The following PPP1CB variants were observed in gnomAD, a reference collection of about 807,000 sequenced individuals.
PPP1CB encodes the protein protein phosphatase 1 catalytic subunit beta.
PPP1CB carries 2 observed loss-of-function variants against 43.7 expected under a neutral mutation model. The ratio of observed to expected loss-of-function variants is 0.05; its 90% CI spans 0.02 to 0.14. The LOEUF (loss-of-function observed/expected upper bound fraction) is 0.14, where lower values mean the gene tolerates loss of function less well. PPP1CB is among the 10% of genes least tolerant of loss of function. The pLI is 1.00. For synonymous variants in PPP1CB, 136 were observed against 135.6 expected (o/e 1.00, Z -0.02); for missense variants, 84 against 398.0 (o/e 0.21, Z 6.71).
chr2:28,781,370 C>T (rs1309744149), intron 3 of PPP1CB, among the ~76,000 whole-genome samples: 1 of 152,130 alleles, frequency 6.6e-6, no homozygotes, highest in Non-Finnish European at 1.5e-5. Flanking sequence ...AAAATTTACT[C>T]TTAGCATTTT....
chr2:28,788,588 G>A (rs1453539331), intron 5 of PPP1CB, 70 bp from the exon 6 acceptor site: 13 of 1,488,346 alleles, frequency 8.7e-6, no homozygotes, highest in Non-Finnish European at 1.2e-5. Flanking sequence ...ACTGAAATTT[G>A]ATGTAGATGT....
At chr2:28,788,886 C>G (rs1278954937) in intron 6 of PPP1CB, 77 bp downstream of exon 6, 3 of 1,363,728 alleles carry the variant, frequency 2.2e-6, no homozygotes, top group South Asian at 1.5e-5. Context: ...CAGACAGATT[C>G]TTGTTCTGTC....
At chr2:28,780,781 C>T (rs954236850) in intron 3 of PPP1CB, among the ~76,000 whole-genome samples, 15 of 152,126 alleles carry the variant, frequency 9.9e-5, no homozygotes, top group South Asian at 2.1e-4. Flanking sequence ...TCAGGAAAAT[C>T]GAGTAACTCT....
chr2:28,772,368 C>T (rs900158696), intron 1 of PPP1CB, among the ~76,000 whole-genome samples: 4 of 152,082 alleles, frequency 2.6e-5, no homozygotes, highest in African/African-American at 4.8e-5. Flanking sequence ...CAACGAATAC[C>T]ACCATATACC....
chr2:28,756,074 C>T (rs767117785), intron 1 of PPP1CB, among the ~76,000 whole-genome samples: 15 of 152,180 alleles, frequency 9.9e-5, no homozygotes, highest in Non-Finnish European at 2.1e-4. Context: ...ATATTCTTTA[C>T]ATAGCTTTAT....
intron 4 of PPP1CB, among the ~76,000 whole-genome samples, chr2:28,783,554 G>A (rs1394240647): frequency 6.6e-6 from 1 of 152,012 alleles, no homozygotes; most frequent in Non-Finnish European, 1.5e-5. Context: ...TCAAGAGATC[G>A]AGACCAGCCT....
At chr2:28,780,290 T>G (rs1184135592) in intron 3 of PPP1CB, among the ~76,000 whole-genome samples, 3 of 152,062 alleles carry the variant, frequency 2.0e-5, no homozygotes, top group African/African-American at 7.2e-5. Flanking sequence ...GGGGTTTCTC[T>G]GTGTTGATCA....
intron 6 of PPP1CB, among the ~76,000 whole-genome samples, chr2:28,791,319 T>C (rs1466201150): frequency 6.6e-6 from 1 of 151,616 alleles, no homozygotes. Flanking sequence ...GGCAAAGTAG[T>C]TTTTTGTTGT....
At chr2:28,775,688 CT>C (rs1253615415) in intron 1 of PPP1CB, among the ~76,000 whole-genome samples, 1 of 152,122 alleles carries the variant, frequency 6.6e-6, no homozygotes, top group African/African-American at 2.4e-5. Context: ...ATTTTCTTTT[CT>C]TAAATGCTCT....
intron 1 of PPP1CB, among the ~76,000 whole-genome samples, chr2:28,768,174 T>C (rs1666824059): frequency 6.6e-6 from 1 of 152,152 alleles, no homozygotes; most frequent in Non-Finnish European, 1.5e-5. Flanking sequence ...GTTTTGATCT[T>C]TGACAAGGGA....
intron 7 of PPP1CB, among the ~76,000 whole-genome samples, chr2:28,798,649 C>T (rs1189426010): frequency 7.0e-6 from 1 of 143,488 alleles, no homozygotes; most frequent in Non-Finnish European, 1.5e-5. Context: ...TATAGAGACA[C>T]ATAGTAGATT....
At chr2:28,755,797 C>T (rs1171781270) in intron 1 of PPP1CB, among the ~76,000 whole-genome samples, 1 of 152,136 alleles carries the variant, frequency 6.6e-6, no homozygotes, top group African/African-American at 2.4e-5. Flanking sequence ...AATAAGAGTG[C>T]CAGCTCTGTT....
chr2:28,794,213 G>GT (rs1156322971), intron 7 of PPP1CB, among the ~76,000 whole-genome samples: 3 of 152,198 alleles, frequency 2.0e-5, no homozygotes, highest in Non-Finnish European at 4.4e-5. Flanking sequence ...GGGAACCTAA[G>GT]TTACGTCAGT....
chr2:28,757,301 T>C (rs762794148), intron 1 of PPP1CB, among the ~76,000 whole-genome samples: 8 of 152,236 alleles, frequency 5.3e-5, no homozygotes, highest in Non-Finnish European at 7.3e-5. Context: ...TTGTTTTCTT[T>C]CGGCTATTGT....
rs1207853506 is a variant in PPP1CB at position 28,784,878 on chromosome 2, C to A, written c.592+900C>A. On this transcript the variant is annotated intron_variant, in intron 5 of 7. Transcript: ENST00000395366. Reference sequence around the variant, plus strand: ...GAGGTTGCAGTGAGCCGAGATCACACCACTGCACTCCAGCCTGGGTGACAG... The same window carrying A: ...GAGGTTGCAGTGAGCCGAGATCACAACACTGCACTCCAGCCTGGGTGACAG... 4.8e-5 allele frequency among the ~76,000 whole-genome samples: 7 copies of A among 145,392 alleles called. No homozygotes were observed. In the Admixed American group the frequency reaches 4.9e-4, roughly 10 times the overall value.
intron 1 of PPP1CB, 64 bp downstream of exon 1, chr2:28,752,240 C>T (rs1432440036): frequency 4.9e-6 from 7 of 1,420,772 alleles, no homozygotes; most frequent in East Asian, 2.8e-5. Context: ...CCTGCGTCCC[C>T]GTCTGCCGCC....
At chr2:28,788,853 T>C (rs1667328617) in intron 6 of PPP1CB, 44 bp downstream of exon 6, 1 of 1,529,994 alleles carries the variant, frequency 6.5e-7, no homozygotes, top group African/African-American at 1.4e-5. Context: ...TTTCTTTCTT[T>C]TTTTTGGGGG....
At chr2:28,787,772 C>T (rs1488893277) in intron 5 of PPP1CB, among the ~76,000 whole-genome samples, 1 of 152,154 alleles carries the variant, frequency 6.6e-6, no homozygotes, top group Non-Finnish European at 1.5e-5. Flanking sequence ...TTCATTCTCC[C>T]TCATCTACCT....
chr2:28,780,672 TACTC>T (rs1359743231), intron 3 of PPP1CB, among the ~76,000 whole-genome samples: 3 of 152,202 alleles, frequency 2.0e-5, no homozygotes, highest in East Asian at 1.9e-4. Context: ...GTTATGTACT[TACTC>T]ATTAAGGGGC....
Sources: gnomAD v4.1 joint callset for allele counts (sites outside exome capture counted in the v4.1 genomes callset) on GRCh38, gnomAD v4.1.1 for gene constraint, MANE v1.5 for transcripts, NCBI Gene and HGNC (gene_info 2026-07-23, HGNC 2026-07-21) for gene names.